The following ZC3H15 variants were observed in gnomAD, a reference collection of about 807,000 sequenced individuals.
ZC3H15 encodes zinc finger CCCH-type containing 15, also known as zinc finger CCCH domain-containing protein 15.
In ZC3H15, 15 loss-of-function variants were observed where a neutral mutation model predicts 51.2. The observed-to-expected ratio is 0.29, with a 90% CI of 0.20 to 0.45. ZC3H15 has a LOEUF of 0.45. ZC3H15 is among the 20% of genes least tolerant of loss of function. The pLI is 1.00. For missense variants in ZC3H15, 381 were observed against 494.7 expected, an observed-to-expected ratio of 0.77 and a Z score of 2.18; for synonymous variants, 144 against 162.8, an observed-to-expected ratio of 0.88 and a Z score of 0.88.
At chr2:186,508,099 C>T (rs1226968825) in intron 9 of ZC3H15, among the ~76,000 whole-genome samples, 1 of 152,024 alleles carries the variant, frequency 6.6e-6, no homozygotes, top group Non-Finnish European at 1.5e-5. Context: ...TTTCTGCTGT[C>T]ACAATCACAG....
At chr2:186,501,816 A>G (rs770028359) in intron 4 of ZC3H15, among the ~76,000 whole-genome samples, 7 of 151,880 alleles carry the variant, frequency 4.6e-5, no homozygotes, top group African/African-American at 7.3e-5. Flanking sequence ...GGTTCAAGCA[A>G]TTCTCCTGCC....
At position 186,493,003 on chromosome 2, in the gene ZC3H15, G is replaced by A. The variant is rs919401855; in HGVS notation, c.76-2230G>A. ...TCTGTAATCTTGGACCTCAGCATAT[G>A]AAGATTGGCAGTAGATGGATGAGTT... On this transcript the variant is annotated intron_variant, in intron 1 of 9. Transcript: ENST00000337859. Among the ~76,000 whole-genome samples, 3 of 152,098 alleles carry A rather than the reference G, an allele frequency of 2.0e-5. No individual in the cohort carries two copies. The South Asian group carries it at 6.2e-4, about 31-fold the overall frequency.
intron 1 of ZC3H15, among the ~76,000 whole-genome samples, chr2:186,486,710 G>T (rs1361243256): frequency 6.6e-6 from 1 of 152,020 alleles, no homozygotes; most frequent in Non-Finnish European, 1.5e-5. Context: ...ATGCACCCGG[G>T]TGCGAAATGA....
At chr2:186,498,802 T>C (rs1685329600) in intron 2 of ZC3H15, among the ~76,000 whole-genome samples, 1 of 152,234 alleles carries the variant, frequency 6.6e-6, no homozygotes, top group South Asian at 2.1e-4. Context: ...CTTGCCACTT[T>C]TTTATGCTCT....
chr2:186,496,975 T>C, intron 2 of ZC3H15: 1 of 324,880 alleles, frequency 3.1e-6, no homozygotes, highest in South Asian at 2.5e-5. Context: ...TTTCTATTTT[T>C]CCTGGTTGTT....
At chr2:186,499,850 A>G (rs557788502) in intron 2 of ZC3H15, among the ~76,000 whole-genome samples, 2 of 152,220 alleles carry the variant, frequency 1.3e-5, no homozygotes, top group South Asian at 4.1e-4. Flanking sequence ...CATCTTCAAA[A>G]TGAACCTGTA....
At chr2:186,501,550 G>A in intron 4 of ZC3H15, 125 bp downstream of exon 4, 17 of 800,608 alleles carry the variant, frequency 2.1e-5, no homozygotes, top group South Asian at 8.1e-5. Context: ...TAATTAATTG[G>A]GTTTATTATT....
chr2:186,506,813 G>A lies in ZC3H15; in HGVS notation c.1067G>A (p.Ser356Asn), dbSNP rs537927665. The A allele has an allele frequency of 6.2e-6, 10 of 1,612,644 alleles. 1 individual carries two copies. In the South Asian group the frequency reaches 7.7e-5, roughly 12 times the overall value. ...ACTGTAGCCAGTCTTGAAAGATTCA[G>A]CACATATACTTCAGATAAAGATGGT... ...GITVASLERF[S>N]TYTSDKDENK... Residue 356 changes from serine (S) to asparagine (N), a missense_variant, in exon 9 of 10, where the codon AGC becomes AAC. This residue lies in a region of ZC3H15 where 215 missense variants were observed against 241.8 expected (regional missense o/e 0.89). Transcript: ENST00000337859.
chr2:186,486,438 A>T lies in ZC3H15; in HGVS notation c.56A>T (p.Lys19Met). 6.4e-7 allele frequency: 1 copy of T among 1,569,216 alleles called. No homozygotes were observed. Among genetic ancestry groups the T allele is most frequent in the Non-Finnish European group, 8.7e-7 (1 of 1,155,544 alleles). The change falls in exon 1 of 10, where the codon AAG (lysine) becomes ATG (methionine). Residue 19 changes from lysine (K) to methionine (M), a missense_variant. Around this residue, in one of 3 missense-constraint regions of ZC3H15, gnomAD observed 125 missense variants for 166.3 expected, o/e 0.75. Transcript: ENST00000337859. ...AGGSKKAEQK[K>M]KEKIIEDKTF... ...GGCAGCAAAAAGGCGGAGCAAAAAA[A>T]GAAGGAGAAGATTATCGAAGTGAGT...
In ZC3H15 at chr2:186,501,301, A is replaced by G. The variant is rs1685380117; in HGVS notation, c.318A>G (p.Ala106=). ...CAGATCCCAAGTCTGTAGTATGTGC[A>G]TTCTTCAAGCAAGGACAGTGTACTA... ...KGADPKSVVC[A]FFKQGQCTKG... is the part of the protein sequence containing the mutation. The change falls in exon 4 of 10, where the codon GCA becomes GCG. Residue 106 remains alanine, a synonymous_variant. Coordinates refer to ENST00000337859, the MANE Select transcript of ZC3H15 (RefSeq NM_018471.3). 1 of 1,611,514 alleles carries G rather than the reference A, an allele frequency of 6.2e-7. No homozygotes were observed. The highest frequency in any genetic ancestry group is 2.2e-5 in the East Asian group (1 of 44,822).
chr2:186,495,161 T>G (rs768568632), intron 1 of ZC3H15, 72 bp from the exon 2 acceptor site: 114 of 835,140 alleles, frequency 1.4e-4, no homozygotes, highest in Non-Finnish European at 1.7e-4. Flanking sequence ...AAATAATGAT[T>G]TTTAGATATC....
At position 186,505,841 on chromosome 2, in the gene ZC3H15, G is replaced by A; in HGVS notation, c.966G>A (p.Glu322=). 1 of 1,613,576 alleles carries A rather than the reference G, an allele frequency of 6.2e-7. No individual in the cohort carries two copies. The highest frequency in any genetic ancestry group is 1.1e-5 in the South Asian group (1 of 90,920). ...TRYTQGTGGD[E]VDDSVSVNDI... is the part of the protein sequence containing the mutation. The stretch of plus-strand genomic sequence containing the variant: ...ACACCCAGGGAACAGGTGGTGATGA[G>A]GTAAGAGGAAGCTTTGTGCCTCATC... The change falls in exon 8 of 10, where the codon GAG becomes GAA. Residue 322 remains glutamate, a splice_region_variant and synonymous_variant. Coordinates refer to ENST00000337859, the MANE Select transcript of ZC3H15 (RefSeq NM_018471.3).
intron 3 of ZC3H15, 63 bp from the exon 4 acceptor site, chr2:186,501,210 G>A (rs1157387521): frequency 6.9e-6 from 10 of 1,451,324 alleles, no homozygotes; most frequent in Non-Finnish European, 8.2e-6. Flanking sequence ...CATATTTCAG[G>A]TAGAATCTAT....
intron 2 of ZC3H15, among the ~76,000 whole-genome samples, chr2:186,495,709 C>T (rs558218717): frequency 2.0e-5 from 3 of 152,324 alleles, no homozygotes; most frequent in Admixed American, 2.0e-4. Flanking sequence ...TGGTAACAGA[C>T]TCCAGATCAA....
Position 186,486,426 on chromosome 2 carries a change from C to T in ZC3H15, c.44C>T (p.Ala15Val). The T allele has an allele frequency of 6.4e-7, 1 of 1,567,318 alleles. No homozygotes were observed. Among genetic ancestry groups the T allele is most frequent in the Non-Finnish European group, 8.7e-7 (1 of 1,154,522 alleles). ...KQAQAGGSKK[A>V]EQKKKEKIIE... The stretch of plus-strand genomic sequence containing the variant: ...GCTCAGGCCGGGGGCAGCAAAAAGG[C>T]GGAGCAAAAAAAGAAGGAGAAGATT... Residue 15 changes from alanine to valine, a missense_variant, in exon 1 of 10, where the codon GCG (alanine) becomes GTG (valine). Physicochemically the swap from Ala to Val is moderately conservative, Grantham distance 64. Around this residue, in one of 3 missense-constraint regions of ZC3H15, gnomAD observed 125 missense variants for 166.3 expected, o/e 0.75. Transcript: ENST00000337859.
intron 1 of ZC3H15, chr2:186,487,348 A>G (rs563442626): frequency 5.9e-5 from 9 of 152,362 alleles, no homozygotes; most frequent in Non-Finnish European, 1.0e-4. Flanking sequence ...CATACCATAC[A>G]GACCCCAACG....
At chr2:186,486,792 G>T in intron 1 of ZC3H15, 1 of 294,088 alleles carries the variant, frequency 3.4e-6, no homozygotes, top group East Asian at 5.6e-5. Context: ...CCAAGGTTAT[G>T]TGTGAAGAAA....
At position 186,508,844 on chromosome 2, in the gene ZC3H15, T is replaced by C; in HGVS notation, c.*111T>C. 8.0e-7 allele frequency: 1 copy of C among 1,256,402 alleles called. No homozygotes were observed. The highest frequency in any genetic ancestry group is 1.1e-6 in the Non-Finnish European group (1 of 908,184). The allele number at this position is 1,256,402 out of a possible 1,614,324, so 77.8% of individuals were successfully genotyped here. On this transcript the variant is annotated 3_prime_UTR_variant, in exon 10 of 10. Transcript: ENST00000337859. Reference sequence around the variant, plus strand: ...GGATGTTTATTTCCTATGCTGATTCTGGAGGAGTTAACCTCCTGCAAAAAA... The same window carrying C: ...GGATGTTTATTTCCTATGCTGATTCCGGAGGAGTTAACCTCCTGCAAAAAA...
rs138757668 is a variant in ZC3H15 at position 186,493,590 on chromosome 2, G to T, written c.76-1643G>T. Among the ~76,000 whole-genome samples, 61 of 152,220 alleles carry T rather than the reference G, an allele frequency of 4.0e-4. No homozygotes were observed. The Middle Eastern group carries it at 0.014, about 34-fold the overall frequency. On this transcript the variant is annotated intron_variant, in intron 1 of 9. Transcript: ENST00000337859. Reference sequence around the variant, plus strand: ...GCTATATGAGTTTCTTAGAACTGCTGTAACATGACTACAAACTGGGTCACT... The same window carrying T: ...GCTATATGAGTTTCTTAGAACTGCTTTAACATGACTACAAACTGGGTCACT...
Sources: allele counts gnomAD v4.1 joint callset (sites outside exome capture counted in the v4.1 genomes callset), GRCh38; gene constraint gnomAD v4.1.1; regional missense constraint gnomAD v4.1.1; transcripts MANE v1.5; gene names NCBI Gene and HGNC (gene_info 2026-07-23, HGNC 2026-07-21).